The following RBFOX1 variants were observed in gnomAD, a reference collection of about 807,000 sequenced individuals.
RBFOX1 encodes the protein RNA binding protein fox-1 homolog 1.
RBFOX1 carries 8 observed loss-of-function variants against 57.7 expected under a neutral mutation model. The observed-to-expected ratio is 0.14, with a 90% CI of 0.08 to 0.25. The LOEUF is 0.25. Ranked by LOEUF, RBFOX1 falls within the 10% of genes least tolerant of loss-of-function variation. The probability of loss-of-function intolerance (pLI) is 1.00; values close to 1 mark genes in which losing one functional copy is unlikely to be tolerated. For missense variants in RBFOX1, 611 were observed against 548.5 expected, an observed-to-expected ratio of 1.11 and a Z score of -1.14; for synonymous variants, 326 against 222.4, an observed-to-expected ratio of 1.47 and a Z score of -4.15.
chr16:7,187,917 C>T (rs1291604193), intron 4 of RBFOX1, among the ~76,000 whole-genome samples: 3 of 152,100 alleles, frequency 2.0e-5, no homozygotes, highest in Admixed American at 6.6e-5. Context: ...AAGTGGTTTC[C>T]ATGACCGCAT....
intron 4 of RBFOX1, among the ~76,000 whole-genome samples, chr16:5,940,310 A>C (rs945365915): frequency 6.6e-5 from 10 of 152,166 alleles, no homozygotes; most frequent in Admixed American, 1.3e-4. Context: ...ATGGTCCCTA[A>C]AGCCTCATTT....
chr16:7,297,781 T>C (rs983195472), intron 4 of RBFOX1, among the ~76,000 whole-genome samples: 1 of 152,174 alleles, frequency 6.6e-6, no homozygotes, highest in Non-Finnish European at 1.5e-5. Context: ...ATTGTGAAAA[T>C]CTAAGCGACA....
At chr16:6,995,117 T>A (rs1201442494) in intron 3 of RBFOX1, among the ~76,000 whole-genome samples, 1 of 152,208 alleles carries the variant, frequency 6.6e-6, no homozygotes, top group Non-Finnish European at 1.5e-5. Flanking sequence ...TAGTCTGTTA[T>A]CTGTCACCTG....
At chr16:7,043,795 T>C (rs1419589956) in intron 3 of RBFOX1, among the ~76,000 whole-genome samples, 1 of 152,234 alleles carries the variant, frequency 6.6e-6, no homozygotes, top group Non-Finnish European at 1.5e-5. Context: ...CAGTTCCCTC[T>C]TGCACTTGAC....
intron 3 of RBFOX1, among the ~76,000 whole-genome samples, chr16:6,906,512 A>T (rs2069993749): frequency 1.3e-5 from 2 of 152,166 alleles, no homozygotes; most frequent in South Asian, 2.1e-4. Flanking sequence ...GAGTTTATAT[A>T]ACCGCAATCT....
At chr16:5,352,238 C>G (rs2065277961) in intron 1 of RBFOX1, among the ~76,000 whole-genome samples, 1 of 152,198 alleles carries the variant, frequency 6.6e-6, no homozygotes, top group Non-Finnish European at 1.5e-5. Flanking sequence ...CTTGTCCACC[C>G]TGGGAGTGGC....
chr16:5,424,962 TTCTC>T (rs1258161228), intron 1 of RBFOX1, among the ~76,000 whole-genome samples: 2 of 64,104 alleles, frequency 3.1e-5, no homozygotes, highest in African/African-American at 6.3e-5. Flanking sequence ...CTTTGTTTCT[TTCTC>T]TTTCTTTCTT....
intron 1 of RBFOX1, among the ~76,000 whole-genome samples, chr16:5,407,346 C>G (rs898386846): frequency 2.0e-5 from 3 of 152,060 alleles, no homozygotes; most frequent in East Asian, 3.9e-4. Context: ...CAAGTGACAT[C>G]TGAAAGAAGA....
At chr16:5,305,528 G>A (rs1201036448) in intron 1 of RBFOX1, among the ~76,000 whole-genome samples, 2 of 152,132 alleles carry the variant, frequency 1.3e-5, no homozygotes, top group East Asian at 3.9e-4. Context: ...GAAAAACAAA[G>A]TGGCTTTCAG....
At chr16:5,285,971 C>T (rs1272270921) in intron 1 of RBFOX1, among the ~76,000 whole-genome samples, 1 of 152,148 alleles carries the variant, frequency 6.6e-6, no homozygotes, top group Non-Finnish European at 1.5e-5. Context: ...AGGGTTTCAC[C>T]ATGTTGGCCG....
intron 1 of RBFOX1, among the ~76,000 whole-genome samples, chr16:5,428,289 A>G (rs576484411): frequency 6.6e-6 from 1 of 152,176 alleles, no homozygotes; most frequent in African/African-American, 2.4e-5. Flanking sequence ...AAAATGATTC[A>G]TGATGAGGTT....
chr16:6,370,886 A>G (rs1053670490), intron 2 of RBFOX1, among the ~76,000 whole-genome samples: 42 of 152,326 alleles, frequency 2.8e-4, no homozygotes, highest in African/African-American at 9.6e-4. Context: ...GGTCCTCAAT[A>G]TGTAAATATA....
intron 2 of RBFOX1, among the ~76,000 whole-genome samples, chr16:6,348,695 C>T (rs969909253): frequency 2.0e-5 from 3 of 152,066 alleles, no homozygotes; most frequent in African/African-American, 4.8e-5. Context: ...GAGCGTGCCA[C>T]GTTCTTTTAA....
intron 1 of RBFOX1, among the ~76,000 whole-genome samples, chr16:6,241,019 C>T (rs565343421): frequency 6.6e-6 from 1 of 152,276 alleles, no homozygotes; most frequent in East Asian, 1.9e-4. Context: ...CAATACTTCG[C>T]ATTCATAATA....
chr16:5,734,983 A>G (rs1357120677), intron 3 of RBFOX1, among the ~76,000 whole-genome samples: 1 of 152,208 alleles, frequency 6.6e-6, no homozygotes, highest in African/African-American at 2.4e-5. Flanking sequence ...CTGGCCACAA[A>G]AAAGAAAGAA....
chr16:5,357,256 T>C (rs75515864), intron 1 of RBFOX1, among the ~76,000 whole-genome samples: 3,845 of 152,274 alleles, frequency 0.025, 175 homozygotes, highest in African/African-American at 0.086. Context: ...TCCTTGGCCA[T>C]AGCTGATTGG....
At position 7,699,680 on chromosome 16, in the gene RBFOX1, C is replaced by T. The variant is rs375640110; in HGVS notation, c.996-9376C>T. On this transcript the variant is annotated intron_variant, in intron 14 of 15. Coordinates refer to ENST00000550418, the MANE Select transcript of RBFOX1 (RefSeq NM_018723.4). The stretch of plus-strand genomic sequence containing the variant: ...AAAATATATCAATAATTGTGAGTTA[C>T]ACATTGTAGTGATGACAGTTTGAAT... 3.3e-5 allele frequency among the ~76,000 whole-genome samples: 5 copies of T among 152,122 alleles called. No individual in the cohort carries two copies. In the South Asian group the frequency reaches 1.0e-3, roughly 32 times the overall value.
chr16:6,829,259 A>G (rs1162176840), intron 3 of RBFOX1, among the ~76,000 whole-genome samples: 1 of 151,710 alleles, frequency 6.6e-6, no homozygotes, highest in Non-Finnish European at 1.5e-5. Context: ...AAAAAAAAAA[A>G]ATAGCATAAA....
Position 6,122,960 on chromosome 16 carries a change from T to TAA in RBFOX1, c.-127+102978_-127+102979dup, listed in dbSNP as rs5815286. ...AATAAAACAATTTTTCAGCAAACCA[T>TAA]AAAAAAAAAAACTATTGGAAATATG... is the stretch of plus-strand genomic sequence containing the variant. On this transcript the variant is annotated intron_variant, in intron 1 of 15. Transcript: ENST00000550418. 1.3e-3 allele frequency among the ~76,000 whole-genome samples: 188 copies of TAA among 147,570 alleles called. No homozygotes were observed. In the Middle Eastern group the frequency reaches 0.021, roughly 16 times the overall value.
Sources: allele counts gnomAD v4.1 joint callset (sites outside exome capture counted in the v4.1 genomes callset), GRCh38; gene constraint gnomAD v4.1.1; transcripts MANE v1.5; gene names NCBI Gene and HGNC (gene_info 2026-07-23, HGNC 2026-07-21).